RPL6: variants seen among roughly 807,000 people sequenced by gnomAD.
RPL6 encodes the protein ribosomal protein L6.
A neutral mutation model predicts 32.1 loss-of-function variants in RPL6; 1 was observed. That is an observed-to-expected ratio of 0.03 (90% CI 0.01 to 0.15). The LOEUF (loss-of-function observed/expected upper bound fraction) is 0.15, where lower values mean the gene tolerates loss of function less well. Ranked by LOEUF, RPL6 falls within the 10% of genes least tolerant of loss-of-function variation. The pLI, the probability that RPL6 is intolerant of heterozygous loss-of-function variation, is 1.00. For missense variants in RPL6, 275 were observed against 354.6 expected (o/e 0.78, Z 1.80); for synonymous variants, 126 against 131.6 (o/e 0.96, Z 0.29).
At chr12:112,406,933 C>T (rs1251638683) in intron 3 of RPL6, 43 bp from the exon 4 acceptor site, 3 of 1,606,462 alleles carry the variant, frequency 1.9e-6, no homozygotes, top group Non-Finnish European at 2.6e-6. Context: ...ATAAGCCATT[C>T]AGATTACTAG....
chr12:112,406,485 G>T, intron 4 of RPL6, 143 bp from the exon 5 acceptor site: 1 of 817,978 alleles, frequency 1.2e-6, no homozygotes, highest in Non-Finnish European at 2.0e-6. Flanking sequence ...AGCAACCACA[G>T]CAAGCTACTA....
upstream of RPL6, among the ~76,000 whole-genome samples, chr12:112,411,016 A>G (rs558634743): frequency 3.3e-5 from 5 of 152,188 alleles, no homozygotes; most frequent in Non-Finnish European, 7.3e-5. Flanking sequence ...GCTTTATTTC[A>G]TTTAATTCTC....
At chr12:112,408,844 G>A in intron 1 of RPL6, 188 bp from the exon 2 acceptor site, 1 of 597,736 alleles carries the variant, frequency 1.7e-6, no homozygotes, top group Non-Finnish European at 2.9e-6. Context: ...TTTGGGGTTT[G>A]TCTCCCCAAT....
Position 112,406,390 on chromosome 12 carries a change from C to T in RPL6, c.481-48G>A. 3 of 1,498,830 alleles carry T rather than the reference C, an allele frequency of 2.0e-6. No homozygotes were observed. The South Asian group carries it at 3.4e-5, about 17-fold the overall frequency. 92.8% of individuals were successfully genotyped at this position (1,498,830 alleles called of 1,614,324 possible). ...TTAGTTTTCTGCAATTAAAAACTGA[C>T]TTCTGAATTCATAAAATCACAGGCA... On this transcript the variant is annotated intron_variant, in intron 4 of 6. Coordinates refer to ENST00000202773, the MANE Select transcript of RPL6 (RefSeq NM_000970.6).
At chr12:112,413,791 G>A (rs1007807790), upstream of RPL6, among the ~76,000 whole-genome samples, 1 of 151,446 alleles carries the variant, frequency 6.6e-6, no homozygotes, top group African/African-American at 2.4e-5. Context: ...TTTGGGAGGC[G>A]GAGGCAGGAT....
In RPL6 at chr12:112,415,956, G is replaced by GTTT. The variant is rs772887157; in HGVS notation, c.-229+2769_-229+2771dup. On this transcript the variant is annotated intron_variant, in intron 1 of 5. Transcript: ENST00000551291. ...AATGTAGGGAGTGACTAGTTTTGCA[G>GTTT]TTTTTTTTTTTTTTTTTTTTGAGAT... 1.5e-4 allele frequency among the ~76,000 whole-genome samples: 17 copies of GTTT among 117,038 alleles called. No individual in the cohort carries two copies. The East Asian group carries it at 1.6e-3, about 11-fold the overall frequency. 76.8% of individuals were successfully genotyped at this position (117,038 alleles called of 152,430 possible).
At position 112,408,649 on chromosome 12, in the gene RPL6, C is replaced by A; in HGVS notation, c.8G>T (p.Gly3Val). Residue 3 changes from glycine to valine, a missense_variant, in exon 2 of 7, where the codon GGT becomes GTT. Transcript: ENST00000202773. ...AGTATCTGGCTTCTCAACTTTTTCA[C>A]CCGCCATCTAAAAATATTTTTTTGT... The part of the protein sequence containing the change: MA[G>V]EKVEKPDTKE... The A allele has an allele frequency of 6.4e-7, 1 of 1,563,420 alleles. No individual in the cohort carries two copies. The highest frequency in any genetic ancestry group is 8.6e-7 in the Non-Finnish European group (1 of 1,168,418).
At position 112,408,288 on chromosome 12, in the gene RPL6, A is replaced by G. The variant is rs950670647; in HGVS notation, c.288T>C (p.Val96=). The G allele has an allele frequency of 1.9e-6, 3 of 1,614,108 alleles. No homozygotes were observed. The highest frequency in any genetic ancestry group is 1.7e-5 in the Admixed American group (1 of 59,998). Reference sequence around the variant, plus strand: ...GGGTACCGCCGTTCTTGTCACCACCAACTGGTTTTGTAACAGTTGCGAGAA... The same window carrying G: ...GGGTACCGCCGTTCTTGTCACCACCGACTGGTTTTGTAACAGTTGCGAGAA... ...EKVLATVTKP[V]GGDKNGGTRV... The change falls in exon 3 of 7, where the codon GTT becomes GTC. Residue 96 remains valine, a synonymous_variant. Transcript: ENST00000202773.
At chr12:112,416,473 A>G (rs1474505691) in intron 1 of RPL6, among the ~76,000 whole-genome samples, 1 of 151,106 alleles carries the variant, frequency 6.6e-6, no homozygotes, top group African/African-American at 2.4e-5. Context: ...ATTGTGTTTG[A>G]CCATGTTGGC....
chr12:112,413,599 G>A (rs1214701271), upstream of RPL6, among the ~76,000 whole-genome samples: 1 of 151,944 alleles, frequency 6.6e-6, no homozygotes, highest in Non-Finnish European at 1.5e-5. Context: ...GTTTTGTTTT[G>A]TTTTGTTTTG....
chr12:112,414,212 G>C (rs2037375974), upstream of RPL6, among the ~76,000 whole-genome samples: 1 of 152,232 alleles, frequency 6.6e-6, no homozygotes, highest in African/African-American at 2.4e-5. Flanking sequence ...GATTATGTGA[G>C]GGTGTTGGCA....
chr12:112,410,669 G>A (rs1169116924), upstream of RPL6, among the ~76,000 whole-genome samples: 1 of 143,282 alleles, frequency 7.0e-6, no homozygotes, highest in South Asian at 2.2e-4. Context: ...TGCCTCCTGG[G>A]TTCAAGTGAT....
rs1228294692 is a variant in RPL6, at chr12:112,405,933, G to A, written c.634C>T (p.Leu212Phe). The change falls in exon 6 of 7, where the codon CTT becomes TTT. Residue 212 changes from leucine (L) to phenylalanine (F), a missense_variant. Leu to Phe is a conservative substitution (Grantham distance 22). Transcript: ENST00000202773. The stretch of plus-strand genomic sequence containing the variant: ...TTCTTCTTGAAGTAAGCATCAGTAA[G>A]ATGTTTTGGGATTTTTACATTGCTG... ...DISNVKIPKH[L>F]TDAYFKKKKL... is the part of the protein sequence containing the mutation. 1.2e-6 allele frequency: 2 copies of A among 1,614,020 alleles called. No individual in the cohort carries two copies. Among genetic ancestry groups the A allele is most frequent in the Non-Finnish European group, 8.5e-7 (1 of 1,179,910 alleles).
intron 1 of RPL6, among the ~76,000 whole-genome samples, chr12:112,418,169 G>C (rs2037446665): frequency 6.6e-6 from 1 of 151,902 alleles, no homozygotes; most frequent in Admixed American, 6.6e-5. Flanking sequence ...TAGTGGAGAC[G>C]GGGTTTCACC....
chr12:112,408,659 A>G lies in RPL6; in HGVS notation c.1-3T>C, dbSNP rs1281550202. The G allele has an allele frequency of 2.6e-6, 4 of 1,562,854 alleles. No individual in the cohort carries two copies. Among genetic ancestry groups the G allele is most frequent in the Non-Finnish European group, 3.4e-6 (4 of 1,167,982 alleles). ...TTCTCAACTTTTTCACCCGCCATCT[A>G]AAAATATTTTTTTGTAGATAAAAAA... On this transcript the variant is annotated splice_region_variant and splice_polypyrimidine_tract_variant and intron_variant, in intron 1 of 6. Coordinates refer to ENST00000202773, the MANE Select transcript of RPL6 (RefSeq NM_000970.6).
chr12:112,408,859 T>C, intron 1 of RPL6: 1 of 522,824 alleles, frequency 1.9e-6, no homozygotes, highest in Non-Finnish European at 3.3e-6. Context: ...CCCAATACAC[T>C]ATAAACTTTT....
At chr12:112,405,430 TAG>T in intron 6 of RPL6, 54 bp from the exon 7 acceptor site, 4 of 1,563,308 alleles carry the variant, frequency 2.6e-6, no homozygotes, top group Non-Finnish European at 3.5e-6. Flanking sequence ...AAATTACTTG[TAG>T]GTCAACTAAG....
At chr12:112,417,969 A>G (rs2037441694) in intron 1 of RPL6, among the ~76,000 whole-genome samples, 1 of 145,284 alleles carries the variant, frequency 6.9e-6, no homozygotes, top group Admixed American at 6.9e-5. Flanking sequence ...ACCCCAAAGT[A>G]GTATTTATTG....
rs1456649270 is a variant in RPL6, at chr12:112,408,506, C to A, written c.151G>T (p.Val51Phe). Residue 51 changes from valine to phenylalanine, a missense_variant, in exon 2 of 7, where the codon GTC becomes TTC. By Grantham distance (50) the Val-to-Phe change is conservative. Coordinates refer to ENST00000202773, the MANE Select transcript of RPL6 (RefSeq NM_000970.6). ...KPHCSRNPVL[V>F]RGIGRYSRSA... ...CGGGAATACCTGCCAATTCCTCTGA[C>A]AAGGACAGGGTTGCGGCTGCAATGG... 6.2e-7 allele frequency: 1 copy of A among 1,613,640 alleles called. No individual in the cohort carries two copies.
Sources: gnomAD v4.1 joint callset for allele counts (sites outside exome capture counted in the v4.1 genomes callset) on GRCh38, gnomAD v4.1.1 for gene constraint, MANE v1.5 for transcripts, NCBI Gene and HGNC (gene_info 2026-07-23, HGNC 2026-07-21) for gene names.